Variants in GTSE1 observed in about 807,000 individuals in gnomAD.
The protein encoded by GTSE1 is G2 and S phase-expressed protein 1.
GTSE1 carries 52 observed loss-of-function variants against 60.5 expected under a neutral mutation model. The ratio of observed to expected loss-of-function variants is 0.86; its 90% confidence interval spans 0.69 to 1.08. GTSE1 has a LOEUF of 1.08. Ranked by LOEUF, GTSE1 falls within the 50% of genes least tolerant of loss-of-function variation. The pLI is 0.00. For missense variants in GTSE1, 937 were observed against 961.8 expected (o/e 0.97, Z 0.34); for synonymous variants, 368 against 386.5 (o/e 0.95, Z 0.56).
chr22:46,326,328 T>C, intron 8 of GTSE1, 108 bp from the exon 9 acceptor site: 5 of 917,822 alleles, frequency 5.4e-6, no homozygotes, highest in Non-Finnish European at 8.0e-6. Flanking sequence ...GCTTGGCTCT[T>C]CTGGGCTGAA....
chr22:46,302,949 G>T (rs1038907045), intron 2 of GTSE1, among the ~76,000 whole-genome samples: 49 of 148,824 alleles, frequency 3.3e-4, no homozygotes, highest in Non-Finnish European at 5.3e-4. Context: ...ACCCAGGCTG[G>T]AGTGCAGTGG....
Position 46,313,866 on chromosome 22 carries a change from C to G in GTSE1, c.928-24C>G. 1 of 1,613,498 alleles carries G rather than the reference C, an allele frequency of 6.2e-7. No individual in the cohort carries two copies. Among genetic ancestry groups the G allele is most frequent in the Non-Finnish European group, 8.5e-7 (1 of 1,179,504 alleles). On this transcript the variant is annotated intron_variant, in intron 5 of 11. Transcript: ENST00000454366. This position sits in a 1 kb window ranked among gnomAD's most constrained non-coding sequence, Gnocchi z 4.4. ...GTAAATAACGAGATCTTTGCTGATT[C>G]TGTTTTTTCACATTTTGCCCCAGTT...
At chr22:46,312,071 T>C in intron 4 of GTSE1, 70 bp from the exon 5 acceptor site, 1 of 1,334,056 alleles carries the variant, frequency 7.5e-7, no homozygotes, top group Non-Finnish European at 1.0e-6. Context: ...TCGCTCTGAA[T>C]GGAAGCCTGA....
rs1430478338 is a variant in GTSE1, at chr22:46,309,141, A to G, written c.762+198A>G. ...GGCTTGGATAAGTTGGGTTGACCTA[A>G]TATTTCCTCCTAAATTCTGTCTGAA... On this transcript the variant is annotated intron_variant, in intron 4 of 11. Transcript: ENST00000454366. The surrounding 1 kb of genome is among the most constrained non-coding windows in gnomAD (Gnocchi z 6.2). Among the ~76,000 whole-genome samples the G allele has an allele frequency of 6.6e-6, 1 of 152,234 alleles. No homozygotes were observed. The highest frequency in any genetic ancestry group is 6.5e-5 in the Admixed American group (1 of 15,286).
At chr22:46,303,240 C>A (rs138694241) in intron 2 of GTSE1, among the ~76,000 whole-genome samples, 2,950 of 152,182 alleles carry the variant, frequency 0.019, 41 homozygotes, top group Non-Finnish European at 0.029. Context: ...TTATGATATG[C>A]CAAGTCTTCT....
chr22:46,329,279 A>C lies in GTSE1; in HGVS notation c.1927-79A>C. The C allele has an allele frequency of 8.3e-7, 1 of 1,209,112 alleles. No homozygotes were observed. The allele number at this position is 1,209,112 out of a possible 1,614,324, so 74.9% of individuals were successfully genotyped here. On this transcript the variant is annotated intron_variant, in intron 10 of 11. Transcript: ENST00000454366. The surrounding 1 kb of genome is among the most constrained non-coding windows in gnomAD (Gnocchi z 6.4). The stretch of plus-strand genomic sequence containing the variant: ...TCCAAACCGCCAGCCCACCTGGAAC[A>C]TGAGCAAAGCTCACATTCTCCCAAG...
rs1217969818 is a variant in GTSE1 at position 46,308,756 on chromosome 22, G to A, written c.575G>A (p.Ser192Asn). ...RLLASSPALPSSGAQARLTRA... is the reference protein window; with the variant it reads ...RLLASSPALPNSGAQARLTRA... ...TTGGCCTCCTCCCCGGCCCTGCCCA[G>A]CTCTGGTGCCCAGGCCCGCCTCACC... Residue 192 changes from serine (S) to asparagine (N), a missense_variant, in exon 4 of 12, where the codon AGC becomes AAC. Transcript: ENST00000454366. 9.3e-6 allele frequency: 15 copies of A among 1,613,056 alleles called. No homozygotes were observed. Among genetic ancestry groups the A allele is most frequent in the Non-Finnish European group, 1.3e-5 (15 of 1,180,030 alleles).
intron 4 of GTSE1, 48 bp from the exon 5 acceptor site, chr22:46,312,093 C>T: frequency 1.3e-6 from 2 of 1,497,108 alleles, no homozygotes; most frequent in Non-Finnish European, 1.8e-6. Context: ...TATCTCTGTA[C>T]ATTGTTAAGC....
At chr22:46,312,047 G>T in intron 4 of GTSE1, 94 bp from the exon 5 acceptor site, 1 of 1,048,048 alleles carries the variant, frequency 9.5e-7, no homozygotes, top group South Asian at 1.6e-5. Flanking sequence ...CACTGGGGAA[G>T]ATGGGGCCTA....
rs1478886979 is a variant in GTSE1 at position 46,310,247 on chromosome 22, A to G, written c.762+1304A>G. ...GTGTGCTTGACAGAGAACTGCTAGG[A>G]TGCCTAAAGGAAGAAGAAAAAGAAA... On this transcript the variant is annotated intron_variant, in intron 4 of 11. Coordinates refer to ENST00000454366, the MANE Select transcript of GTSE1 (RefSeq NM_016426.7). The surrounding 1 kb of genome is among the most constrained non-coding windows in gnomAD (Gnocchi z 4.4). Among the ~76,000 whole-genome samples the G allele has an allele frequency of 6.6e-6, 1 of 152,214 alleles. No individual in the cohort carries two copies. The highest frequency in any genetic ancestry group is 1.5e-5 in the Non-Finnish European group (1 of 68,022).
At chr22:46,312,952 C>G (rs2147821070) in intron 5 of GTSE1, among the ~76,000 whole-genome samples, 1 of 152,100 alleles carries the variant, frequency 6.6e-6, no homozygotes, top group East Asian at 1.9e-4. Flanking sequence ...CACTTGAGCC[C>G]AGGAGTTTGA....
In GTSE1 at chr22:46,329,202, C is replaced by G; in HGVS notation, c.1927-156C>G. On this transcript the variant is annotated intron_variant, in intron 10 of 11. Coordinates refer to ENST00000454366, the MANE Select transcript of GTSE1 (RefSeq NM_016426.7). This position sits in a 1 kb window ranked among gnomAD's most constrained non-coding sequence, Gnocchi z 6.4. Reference sequence around the variant, plus strand: ...TGGGCAACAGTCAGAGAGGCACGGCCCACCCCATACAGAGCCTCCTTCCAC... The same window carrying G: ...TGGGCAACAGTCAGAGAGGCACGGCGCACCCCATACAGAGCCTCCTTCCAC... 2 of 723,236 alleles carry G rather than the reference C, an allele frequency of 2.8e-6. No individual in the cohort carries two copies. The highest frequency in any genetic ancestry group is 2.5e-6 in the Non-Finnish European group (1 of 406,540). The allele number at this position is 723,236 out of a possible 1,614,324, so 44.8% of individuals were successfully genotyped here. A position where few individuals can be genotyped will look rare whatever the true frequency, so the allele number is the denominator to read the frequency against.
In GTSE1 at chr22:46,310,252, T is replaced by G. The variant is rs2077740877; in HGVS notation, c.762+1309T>G. 6.6e-6 allele frequency among the ~76,000 whole-genome samples: 1 copy of G among 152,100 alleles called. No homozygotes were observed. The highest frequency in any genetic ancestry group is 2.1e-4 in the South Asian group (1 of 4,820). ...CTTGACAGAGAACTGCTAGGATGCC[T>G]AAAGGAAGAAGAAAAAGAAAATAAC... On this transcript the variant is annotated intron_variant, in intron 4 of 11. Transcript: ENST00000454366. The surrounding 1 kb of genome is among the most constrained non-coding windows in gnomAD (Gnocchi z 4.4).
intron 2 of GTSE1, among the ~76,000 whole-genome samples, chr22:46,305,859 A>G (rs560754318): frequency 6.6e-6 from 1 of 152,036 alleles, no homozygotes; most frequent in East Asian, 1.9e-4. Context: ...GTGAGCCAAG[A>G]TCACCCCACT....
In GTSE1 at chr22:46,308,402, C is replaced by T. The variant is rs761061921; in HGVS notation, c.221C>T (p.Pro74Leu). 2.9e-5 allele frequency: 47 copies of T among 1,613,968 alleles called. No homozygotes were observed. The highest frequency in any genetic ancestry group is 8.0e-5 in the African/African-American group (6 of 74,900). The change falls in exon 4 of 12, where the codon CCG becomes CTG. Residue 74 changes from proline to leucine, a missense_variant. Coordinates refer to ENST00000454366, the MANE Select transcript of GTSE1 (RefSeq NM_016426.7). ...GCTGCCAGCTTGGAATTAAATAATC[C>T]GGTTCCCGAACAGCCTCCGTTGCCC... ...CIAASLELNNPVPEQPPLPTS... is the reference protein window; with the variant it reads ...CIAASLELNNLVPEQPPLPTS...
In GTSE1 at chr22:46,309,877, G is replaced by A. The variant is rs1314119236; in HGVS notation, c.762+934G>A. Reference sequence around the variant, plus strand: ...ATGTTTCTAGAATGAGAGTGGGATGGGTCCTGCTGTGTGGAGCACACGTGG... The same window carrying A: ...ATGTTTCTAGAATGAGAGTGGGATGAGTCCTGCTGTGTGGAGCACACGTGG... On this transcript the variant is annotated intron_variant, in intron 4 of 11. Coordinates refer to ENST00000454366, the MANE Select transcript of GTSE1 (RefSeq NM_016426.7). This position sits in a 1 kb window ranked among gnomAD's most constrained non-coding sequence, Gnocchi z 6.2. Among the ~76,000 whole-genome samples the A allele has an allele frequency of 6.6e-6, 1 of 152,228 alleles. No individual in the cohort carries two copies. Among genetic ancestry groups the A allele is most frequent in the African/African-American group, 2.4e-5 (1 of 41,442 alleles).
chr22:46,301,736 G>T (rs1357428672), intron 2 of GTSE1, among the ~76,000 whole-genome samples: 1 of 151,762 alleles, frequency 6.6e-6, no homozygotes, highest in African/African-American at 2.4e-5. Context: ...TGATCCACCC[G>T]CCTCGACCTT....
At chr22:46,328,012 C>G (rs1040394116) in intron 9 of GTSE1, among the ~76,000 whole-genome samples, 1 of 152,176 alleles carries the variant, frequency 6.6e-6, no homozygotes, top group Non-Finnish European at 1.5e-5. Flanking sequence ...CAAAATTCTG[C>G]TTGTTTTTGG....
chr22:46,310,880 A>G lies in GTSE1; in HGVS notation c.763-1261A>G, dbSNP rs1476066289. Among the ~76,000 whole-genome samples, 2 of 152,210 alleles carry G rather than the reference A, an allele frequency of 1.3e-5. No homozygotes were observed. The highest frequency in any genetic ancestry group is 2.9e-5 in the Non-Finnish European group (2 of 68,032). On this transcript the variant is annotated intron_variant, in intron 4 of 11. Coordinates refer to ENST00000454366, the MANE Select transcript of GTSE1 (RefSeq NM_016426.7). This position sits in a 1 kb window ranked among gnomAD's most constrained non-coding sequence, Gnocchi z 4.4. ...AGGAGGTGGAGGTTGCAGTGAGCCA[A>G]GATGGCACCACTGAAAACATTTTGC...
Sources: gnomAD v4.1 joint callset for allele counts (sites outside exome capture counted in the v4.1 genomes callset) on GRCh38, gnomAD v4.1.1 for gene constraint, Gnocchi (gnomAD v3.1) non-coding constraint, MANE v1.5 for transcripts, NCBI Gene and HGNC (gene_info 2026-07-23, HGNC 2026-07-21) for gene names.